SGCZ: variants seen among roughly 807,000 people sequenced by gnomAD.
SGCZ encodes the protein sarcoglycan zeta.
A neutral mutation model predicts 41.3 loss-of-function variants in SGCZ; 40 were observed. The ratio of observed to expected loss-of-function variants is 0.97; its 90% CI spans 0.75 to 1.26. SGCZ has a LOEUF of 1.26. SGCZ is among the 50% of genes most tolerant of loss of function. SGCZ has a pLI of 0.00. For synonymous variants in SGCZ, 206 were observed against 137.5 expected (o/e 1.50, Z -3.49); for missense variants, 552 against 369.8 (o/e 1.49, Z -4.04).
At position 14,348,721 on chromosome 8, in the gene SGCZ, G is replaced by T. The variant is rs145239606; in HGVS notation, c.235-24517C>A. Among the ~76,000 whole-genome samples, 159 of 152,178 alleles carry T rather than the reference G, an allele frequency of 1.0e-3. 1 individual carries two copies. Among genetic ancestry groups the T allele is most frequent in the African/African-American group, 3.7e-3 (152 of 41,516 alleles). ...ACATGAAAATTCAAAAGCTGATTTG[G>T]TGTAAGAAGAACATAATCTATATTC... On this transcript the variant is annotated intron_variant, in intron 2 of 7. Coordinates refer to ENST00000382080, the MANE Select transcript of SGCZ (RefSeq NM_139167.4).
intron 2 of SGCZ, among the ~76,000 whole-genome samples, chr8:14,409,010 C>G (rs1799289747): frequency 7.1e-6 from 1 of 140,238 alleles, no homozygotes; most frequent in Non-Finnish European, 1.5e-5. Context: ...TTGTTTTTGG[C>G]CTCATTAACT....
intron 3 of SGCZ, among the ~76,000 whole-genome samples, chr8:14,277,596 A>G (rs1800279212): frequency 6.6e-6 from 1 of 152,200 alleles, no homozygotes. Context: ...AATTGCTAGT[A>G]AGATAGTGGT....
At chr8:14,404,918 C>G (rs927121988) in intron 2 of SGCZ, among the ~76,000 whole-genome samples, 1 of 152,184 alleles carries the variant, frequency 6.6e-6, no homozygotes. Context: ...TCTCTTCTTT[C>G]GTTCCCTGTG....
chr8:15,051,560 G>A (rs371762848), intron 1 of SGCZ, among the ~76,000 whole-genome samples: 27 of 152,190 alleles, frequency 1.8e-4, no homozygotes, highest in African/African-American at 6.5e-4. Flanking sequence ...TAGGGTAGGT[G>A]TATGTTAAGC....
chr8:14,847,577 C>G (rs992762310), intron 1 of SGCZ, among the ~76,000 whole-genome samples: 43 of 147,622 alleles, frequency 2.9e-4, no homozygotes, highest in Admixed American at 1.6e-3. Context: ...ATGTCTTTTT[C>G]TATTAAAAAT....
intron 1 of SGCZ, among the ~76,000 whole-genome samples, chr8:14,650,417 TG>T (rs1483926633): frequency 3.9e-5 from 6 of 151,984 alleles, no homozygotes; most frequent in African/African-American, 1.2e-4. Context: ...ATTCATGTCA[TG>T]GGGGTTTGTT....
intron 5 of SGCZ, among the ~76,000 whole-genome samples, chr8:14,153,086 C>A (rs57818563): frequency 0.012 from 1,853 of 152,156 alleles, 49 homozygotes; most frequent in African/African-American, 0.043. Context: ...TGGAACTGTT[C>A]TGTGTCTTAA....
intron 4 of SGCZ, among the ~76,000 whole-genome samples, chr8:14,217,687 C>T (rs1026215929): frequency 3.0e-5 from 4 of 134,922 alleles, no homozygotes; most frequent in Non-Finnish European, 6.1e-5. Flanking sequence ...TGGAGTGCAG[C>T]GGTGTGATCT....
At chr8:14,350,941 G>A (rs1038959168) in intron 2 of SGCZ, among the ~76,000 whole-genome samples, 3 of 152,220 alleles carry the variant, frequency 2.0e-5, no homozygotes, top group East Asian at 3.9e-4. Flanking sequence ...AATATTTCAG[G>A]AGAGTTTTCC....
At chr8:14,404,505 G>C (rs987512418) in intron 2 of SGCZ, among the ~76,000 whole-genome samples, 9 of 152,122 alleles carry the variant, frequency 5.9e-5, no homozygotes, top group Non-Finnish European at 1.5e-5. Flanking sequence ...ATGACATTTA[G>C]AATTTTAAAT....
intron 1 of SGCZ, among the ~76,000 whole-genome samples, chr8:15,136,528 G>C (rs931095968): frequency 6.6e-6 from 1 of 152,106 alleles, no homozygotes; most frequent in African/African-American, 2.4e-5. Context: ...CTGAATTGTA[G>C]ATCCCATAAT....
chr8:14,869,799 C>A (rs1344624193), intron 1 of SGCZ, among the ~76,000 whole-genome samples: 1 of 152,144 alleles, frequency 6.6e-6, no homozygotes, highest in Admixed American at 6.5e-5. Context: ...CAACAATAGA[C>A]AAACAGAGAG....
Position 14,977,016 on chromosome 8 carries a change from G to C in SGCZ, c.39+260569C>G, listed in dbSNP as rs766101204. Among the ~76,000 whole-genome samples the C allele has an allele frequency of 1.6e-4, 24 of 152,170 alleles. 1 individual carries two copies. Among genetic ancestry groups the C allele is most frequent in the Non-Finnish European group, 3.1e-4 (21 of 68,040 alleles). On this transcript the variant is annotated intron_variant, in intron 1 of 7. Transcript: ENST00000382080. ...CATTTCAAACATGCAATAGCACATG[G>C]AGCATCCTTGAGTCTACAAACACCA...
chr8:14,909,517 C>T (rs1799220813), intron 1 of SGCZ, among the ~76,000 whole-genome samples: 1 of 152,046 alleles, frequency 6.6e-6, no homozygotes, highest in South Asian at 2.1e-4. Context: ...TTTATCTGTG[C>T]TAACCATTCC....
intron 1 of SGCZ, among the ~76,000 whole-genome samples, chr8:14,720,591 A>G (rs1404203672): frequency 6.6e-6 from 1 of 152,034 alleles, no homozygotes; most frequent in Admixed American, 6.6e-5. Context: ...AGTGAAGGCA[A>G]ACTCTGGCTC....
chr8:14,617,850 ATGTGTGTG>A (rs34821756), intron 1 of SGCZ, among the ~76,000 whole-genome samples: 2 of 92,784 alleles, frequency 2.2e-5, no homozygotes, highest in South Asian at 3.3e-4. Context: ...TTGTGTGTTT[ATGTGTGTG>A]TGTGTGTGTG....
intron 1 of SGCZ, among the ~76,000 whole-genome samples, chr8:14,728,943 G>A (rs1469240417): frequency 6.6e-6 from 1 of 152,136 alleles, no homozygotes; most frequent in African/African-American, 2.4e-5. Flanking sequence ...ATGTAAATCT[G>A]CCTATGTTCC....
At chr8:14,202,927 G>A (rs896435812) in intron 4 of SGCZ, among the ~76,000 whole-genome samples, 29 of 152,286 alleles carry the variant, frequency 1.9e-4, no homozygotes, top group African/African-American at 7.0e-4. Context: ...TCAGGCGGGA[G>A]GTGATGGAAT....
At chr8:14,453,001 G>A (rs1270871924) in intron 2 of SGCZ, among the ~76,000 whole-genome samples, 1 of 152,008 alleles carries the variant, frequency 6.6e-6, no homozygotes, top group Non-Finnish European at 1.5e-5. Flanking sequence ...TACTCGGGAG[G>A]CTGAGGCACA....
Sources: gnomAD v4.1 joint callset for allele counts (sites outside exome capture counted in the v4.1 genomes callset) on GRCh38, gnomAD v4.1.1 for gene constraint, MANE v1.5 for transcripts, NCBI Gene and HGNC (gene_info 2026-07-23, HGNC 2026-07-21) for gene names.